UNC93B1: variants seen among roughly 807,000 people sequenced by gnomAD.
UNC93B1 encodes unc-93B1 regulator of TLR signaling, also known as protein unc-93 homolog B1.
Under a neutral mutation model 56.8 loss-of-function variants are expected in UNC93B1, and 33 were observed. The ratio of observed to expected loss-of-function variants is 0.58; its 90% confidence interval spans 0.44 to 0.78. The LOEUF is 0.78. Ranked by LOEUF, UNC93B1 falls within the 30% of genes least tolerant of loss-of-function variation. UNC93B1 has a pLI of 0.00. For missense variants in UNC93B1, 673 were observed against 819.5 expected (o/e 0.82, Z 2.18); for synonymous variants, 334 against 358.6 (o/e 0.93, Z 0.77).
In UNC93B1 at chr11:67,995,604, T is replaced by C. The variant is rs2134359044; in HGVS notation, c.1363+7A>G. 7.9e-6 allele frequency: 4 copies of C among 508,508 alleles called. No homozygotes were observed. Among genetic ancestry groups the C allele is most frequent in the Non-Finnish European group, 1.2e-5 (4 of 325,614 alleles). The allele number at this position is 508,508 out of a possible 1,614,324, so 31.5% of individuals were successfully genotyped here. A position where few individuals can be genotyped will look rare whatever the true frequency, so the allele number is the denominator to read the frequency against. On this transcript the variant is annotated splice_region_variant and intron_variant, in intron 9 of 10. Coordinates refer to ENST00000227471, the MANE Select transcript of UNC93B1 (RefSeq NM_030930.4). ...CCCCCCCCCCCAGTGCCCACAGCTA[T>C]ACTCACTGCTGAGTCCAGTCTTGTT...
At position 67,997,780 on chromosome 11, in the gene UNC93B1, G is replaced by T. The variant is rs868585982; in HGVS notation, c.801C>A (p.Ile267=). ...VQSCGTNSHG[I]LSGFNKTVLR... ...GAACCGTCTTGTTGAAGCCGCTGAG[G>T]ATCCCGTGGCTGTTGGTGCCTGGGA... is the stretch of plus-strand genomic sequence containing the variant. Residue 267 remains isoleucine, a synonymous_variant, in exon 7 of 11, where the codon ATC becomes ATA. Coordinates refer to ENST00000227471, the MANE Select transcript of UNC93B1 (RefSeq NM_030930.4). 4 of 1,609,210 alleles carry T rather than the reference G, an allele frequency of 2.5e-6. No homozygotes were observed. The highest frequency in any genetic ancestry group is 2.2e-5 in the East Asian group (1 of 44,878).
At chr11:68,000,849 C>G (rs1857033899) in intron 3 of UNC93B1, among the ~76,000 whole-genome samples, 1 of 152,142 alleles carries the variant, frequency 6.6e-6, no homozygotes, top group Non-Finnish European at 1.5e-5. Flanking sequence ...TTCTTCATGT[C>G]TAAGACTGGA....
In UNC93B1 at chr11:67,993,891, G is replaced by T. The variant is rs548772760; in HGVS notation, c.1364-97C>A. 8.6e-5 allele frequency: 74 copies of T among 856,592 alleles called. 1 individual carries two copies. The East Asian group carries it at 1.7e-3, about 19-fold the overall frequency. The allele number at this position is 856,592 out of a possible 1,614,324, so 53.1% of individuals were successfully genotyped here. On this transcript the variant is annotated intron_variant, in intron 9 of 10. Coordinates refer to ENST00000227471, the MANE Select transcript of UNC93B1 (RefSeq NM_030930.4). ...TACGAACTTTACTAAGCCCTGTATG[G>T]GTCCCAGCCCCGGACCAGAGAGCGC...
Position 67,996,867 on chromosome 11 carries a change from C to T in UNC93B1, c.907-83G>A, listed in dbSNP as rs959582969. ...TCAGCCCCGCCCTTCAGATGCACCA[C>T]GTGCCTGGGCCTTGCCCCAGCTCGG... is the stretch of plus-strand genomic sequence containing the variant. On this transcript the variant is annotated intron_variant, in intron 7 of 10. Coordinates refer to ENST00000227471, the MANE Select transcript of UNC93B1 (RefSeq NM_030930.4). 3 of 1,417,104 alleles carry T rather than the reference C, an allele frequency of 2.1e-6. No homozygotes were observed. In the East Asian group the frequency reaches 7.9e-5, roughly 37 times the overall value. 87.8% of individuals were successfully genotyped at this position (1,417,104 alleles called of 1,614,324 possible).
rs570652487 is a variant in UNC93B1 at position 67,996,958 on chromosome 11, C to T, written c.907-174G>A. On this transcript the variant is annotated intron_variant, in intron 7 of 10. Transcript: ENST00000227471. ...CACAGACCCAGGTCTTGCCTTATCC[C>T]AGCTCAAGGCCCCGCCTCTCAGCAC... 5.9e-3 allele frequency among the ~76,000 whole-genome samples: 900 copies of T among 151,986 alleles called. 9 individuals are homozygous for T. The highest frequency in any genetic ancestry group is 0.02 in the African/African-American group (833 of 41,438).
At chr11:67,992,813 T>C (rs1001476837) in intron 10 of UNC93B1, among the ~76,000 whole-genome samples, 10 of 151,552 alleles carry the variant, frequency 6.6e-5, no homozygotes, top group Non-Finnish European at 1.3e-4. Flanking sequence ...CACAGGGACG[T>C]GCCACCATGC....
At chr11:67,995,571 G>GGGGGGGGGGGGGGCCCCCCC in intron 9 of UNC93B1, 40 bp downstream of exon 9, 1 of 178,204 alleles carries the variant, frequency 5.6e-6, no homozygotes, top group Non-Finnish European at 9.5e-6. Context: ...AAAGCCCCCT[G>GGGGGGGGGGGGGGCCCCCCC]CCCCGCCCCC....
intron 9 of UNC93B1, 121 bp from the exon 10 acceptor site, chr11:67,993,915 G>T (rs546565985): frequency 2.0e-5 from 15 of 750,482 alleles, no homozygotes; most frequent in South Asian, 2.9e-5. Flanking sequence ...ACCAGAGAGC[G>T]CCTAGAAAGT....
chr11:67,994,897 T>C (rs4014619), intron 9 of UNC93B1, among the ~76,000 whole-genome samples: 2 of 152,012 alleles, frequency 1.3e-5, no homozygotes, highest in Non-Finnish European at 2.9e-5. Flanking sequence ...CTAGCTGTGT[T>C]TCACTGCGTG....
At chr11:67,996,501 C>T (rs1856949651) in intron 8 of UNC93B1, 101 bp downstream of exon 8, 1 of 1,417,706 alleles carries the variant, frequency 7.1e-7, no homozygotes, top group Non-Finnish European at 9.4e-7. Context: ...TACATGTACA[C>T]ACTTACATAT....
intron 9 of UNC93B1, 83 bp downstream of exon 9, chr11:67,995,528 T>A (rs1287072137): frequency 1.7e-6 from 2 of 1,171,336 alleles, no homozygotes; most frequent in Admixed American, 5.4e-5. Flanking sequence ...CCCTGGGATG[T>A]CTATGTCTCG....
Position 68,003,398 on chromosome 11 carries a change from C to T in UNC93B1, c.239-223G>A. ...ACCCCCACCCGCCTTGCTCCGCCGG[C>T]CTCCAATTCTGACGGTGGCAGGTCT... On this transcript the variant is annotated intron_variant, in intron 2 of 10. Transcript: ENST00000227471. This position sits in a 1 kb window ranked among gnomAD's most constrained non-coding sequence, Gnocchi z 4.4. 1.2e-6 allele frequency: 1 copy of T among 815,152 alleles called. No individual in the cohort carries two copies. Among genetic ancestry groups the T allele is most frequent in the Admixed American group, 3.3e-5 (1 of 29,990 alleles). 50.5% of individuals were successfully genotyped at this position (815,152 alleles called of 1,614,324 possible). A position where few individuals can be genotyped will look rare whatever the true frequency, so the allele number is the denominator to read the frequency against.
In UNC93B1 at chr11:68,003,472, G is replaced by T; in HGVS notation, c.238+185C>A. ...CCCCACCCACACCGAGGCTCTGGCT[G>T]GGACCCGGGGACGCTGCGCTACTTG... On this transcript the variant is annotated intron_variant, in intron 2 of 10. Coordinates refer to ENST00000227471, the MANE Select transcript of UNC93B1 (RefSeq NM_030930.4). The surrounding 1 kb of genome is among the most constrained non-coding windows in gnomAD (Gnocchi z 4.4). The T allele has an allele frequency of 1.0e-6, 1 of 969,806 alleles. No homozygotes were observed. The highest frequency in any genetic ancestry group is 1.4e-6 in the Non-Finnish European group (1 of 698,124). The allele number at this position is 969,806 out of a possible 1,614,324, so 60.1% of individuals were successfully genotyped here.
At position 67,999,510 on chromosome 11, in the gene UNC93B1, C is replaced by G. The variant is rs769608897; in HGVS notation, c.554+9G>C. 3.9e-5 allele frequency: 60 copies of G among 1,547,254 alleles called. No individual in the cohort carries two copies. The highest frequency in any genetic ancestry group is 1.7e-4 in the South Asian group (14 of 83,976). On this transcript the variant is annotated intron_variant, in intron 4 of 10. Transcript: ENST00000227471. ...TCCAGCCTCCTGCCCTGCTGCCCAC[C>G]AGGCTCACCTGGTGATGTAGTTGCC...
chr11:67,996,749 C>T lies in UNC93B1; in HGVS notation c.942G>A (p.Thr314=), dbSNP rs767929114. 6.4e-7 allele frequency: 1 copy of T among 1,562,272 alleles called. No individual in the cohort carries two copies. Among genetic ancestry groups the T allele is most frequent in the Non-Finnish European group, 8.7e-7 (1 of 1,152,984 alleles). ...LGLCGAAYRP[T]EEIDLRSVGW... is the part of the protein sequence containing the mutation. ...CCACGCTGCGCAGATCGATCTCCTC[C>T]GTGGGCCGGTAAGCGGCTCCGCACA... is the stretch of plus-strand genomic sequence containing the variant. Residue 314 remains threonine, a synonymous_variant, in exon 8 of 11, where the codon ACG becomes ACA. Coordinates refer to ENST00000227471, the MANE Select transcript of UNC93B1 (RefSeq NM_030930.4).
intron 5 of UNC93B1, among the ~76,000 whole-genome samples, chr11:67,998,939 A>C (rs1735096564): frequency 6.6e-6 from 1 of 152,142 alleles, no homozygotes. Flanking sequence ...AAAGAAATGA[A>C]GGTGGGGCAG....
In UNC93B1 at chr11:67,996,703, G is replaced by T; in HGVS notation, c.988C>A (p.Leu330Met). ...RSVGWGNIFQ[L>M]PFKHVRDYRL... ...TAGTCACGCACGTGCTTGAAGGGCA[G>T]CTGGAAGATGTTGCCCCAGCCCACG... Residue 330 changes from leucine (L) to methionine (M), a missense_variant, in exon 8 of 11, where the codon CTG becomes ATG. Leu to Met is a conservative substitution (Grantham distance 15). Transcript: ENST00000227471. The T allele has an allele frequency of 1.3e-6, 2 of 1,552,370 alleles. No homozygotes were observed. Among genetic ancestry groups the T allele is most frequent in the Non-Finnish European group, 1.7e-6 (2 of 1,147,428 alleles).
chr11:67,995,502 G>T (rs914746236), intron 9 of UNC93B1, 109 bp downstream of exon 9: 1 of 942,722 alleles, frequency 1.1e-6, no homozygotes, highest in African/African-American at 1.7e-5. Flanking sequence ...ATGTGACCAT[G>T]GGACCCCATA....
In UNC93B1 at chr11:67,999,221, G is replaced by T. The variant is rs576190829; in HGVS notation, c.639C>A (p.His213Gln). 6.2e-7 allele frequency: 1 copy of T among 1,613,398 alleles called. No individual in the cohort carries two copies. Among genetic ancestry groups the T allele is most frequent in the Non-Finnish European group, 8.5e-7 (1 of 1,179,874 alleles). ...CTTGGAAGACCAGGAGATAGGGCGCGTGGGAGCCCCGCGGAGGCCGCTGCT... is the reference window on the plus strand; with the variant it reads ...CTTGGAAGACCAGGAGATAGGGCGCTTGGGAGCCCCGCGGAGGCCGCTGCT... ...GMKQRPPRGS[H>Q]APYLLVFQAI... Residue 213 changes from histidine to glutamine, a missense_variant, in exon 5 of 11, where the codon CAC becomes CAA. By Grantham distance (24) the His-to-Gln change is conservative. Around this residue, in one of 3 missense-constraint regions of UNC93B1, gnomAD observed 438 missense variants for 465.9 expected, o/e 0.94. Coordinates refer to ENST00000227471, the MANE Select transcript of UNC93B1 (RefSeq NM_030930.4).
Sources: allele counts gnomAD v4.1 joint callset (sites outside exome capture counted in the v4.1 genomes callset), GRCh38; gene constraint gnomAD v4.1.1; regional missense constraint gnomAD v4.1.1; non-coding constraint Gnocchi (gnomAD v3.1); transcripts MANE v1.5; gene names NCBI Gene and HGNC (gene_info 2026-07-23, HGNC 2026-07-21).